The following MAD1L1 variants were observed in gnomAD, a reference collection of about 807,000 sequenced individuals.
The protein encoded by MAD1L1 is mitotic spindle assembly checkpoint protein MAD1.
MAD1L1 carries 95 observed loss-of-function variants against 96.9 expected under a neutral mutation model. The ratio of observed to expected loss-of-function variants is 0.98; its 90% CI spans 0.83 to 1.16. The LOEUF is 1.16. MAD1L1 is among the 50% of genes most tolerant of loss of function. MAD1L1 has a pLI of 0.00. For synonymous variants in MAD1L1, 473 were observed against 396.6 expected (o/e 1.19, Z -2.29); for missense variants, 1,007 against 954.4 (o/e 1.06, Z -0.73).
intron 16 of MAD1L1, 48 bp downstream of exon 16, chr7:1,957,581 A>G (rs1172192802): frequency 6.3e-7 from 1 of 1,577,186 alleles, no homozygotes; most frequent in African/African-American, 1.4e-5. Context: ...CGCCCAAAGA[A>G]ATGAGAGGCC....
intron 17 of MAD1L1, among the ~76,000 whole-genome samples, chr7:1,906,429 T>C (rs1583732986): frequency 6.6e-6 from 1 of 152,218 alleles, no homozygotes; most frequent in Non-Finnish European, 1.5e-5. Flanking sequence ...CATCTGGCCC[T>C]AGCCTGACCT....
At chr7:1,894,773 T>G (rs1786762963) in intron 18 of MAD1L1, among the ~76,000 whole-genome samples, 1 of 147,824 alleles carries the variant, frequency 6.8e-6, no homozygotes, top group African/African-American at 2.5e-5. Context: ...CAGGACAGAG[T>G]CTGGAGGAGG....
intron 15 of MAD1L1, 94 bp from the exon 16 acceptor site, chr7:1,957,813 G>T: frequency 9.6e-7 from 1 of 1,041,780 alleles, no homozygotes; most frequent in Non-Finnish European, 1.5e-6. Flanking sequence ...AAGGTTAGGA[G>T]ACCCAGCTAT....
At chr7:1,969,472 A>C (rs886534740) in intron 15 of MAD1L1, among the ~76,000 whole-genome samples, 1 of 152,246 alleles carries the variant, frequency 6.6e-6, no homozygotes, top group African/African-American at 2.4e-5. Flanking sequence ...CTAAATCAGG[A>C]ACAAGACAAG....
intron 18 of MAD1L1, among the ~76,000 whole-genome samples, chr7:1,889,241 C>G (rs1054864589): frequency 6.6e-6 from 1 of 152,238 alleles, no homozygotes; most frequent in Non-Finnish European, 1.5e-5. Flanking sequence ...GGTCCAGTCC[C>G]TCCCACCACC....
intron 11 of MAD1L1, among the ~76,000 whole-genome samples, chr7:2,083,473 G>A (rs1785755128): frequency 6.6e-6 from 1 of 152,242 alleles, no homozygotes; most frequent in African/African-American, 2.4e-5. Context: ...CGGAGAGGAG[G>A]TGCGGGGTGA....
At chr7:2,158,237 G>A (rs994643430) in intron 10 of MAD1L1, among the ~76,000 whole-genome samples, 1 of 152,200 alleles carries the variant, frequency 6.6e-6, no homozygotes, top group Non-Finnish European at 1.5e-5. Flanking sequence ...CTTTCCTTCC[G>A]AGGCGAGAGC....
intron 10 of MAD1L1, among the ~76,000 whole-genome samples, chr7:2,181,816 A>C (rs1637756): frequency 0.019 from 2,883 of 150,064 alleles, 107 homozygotes; most frequent in African/African-American, 0.065. Flanking sequence ...TGGTCTCTAT[A>C]TATATATATA....
intron 10 of MAD1L1, among the ~76,000 whole-genome samples, chr7:2,154,154 CA>C (rs1364566411): frequency 6.6e-6 from 1 of 150,576 alleles, no homozygotes; most frequent in South Asian, 2.1e-4. Context: ...GACTCCATCT[CA>C]AAAAAAAAGA....
In MAD1L1 at chr7:2,014,158, G is replaced by C. The variant is rs141298205; in HGVS notation, c.1359+344C>G. Reference sequence around the variant, plus strand: ...GAGCACCCGGAGACCAGGTCTCCTTGGCAGATGCCCCTCACAGGGGAAGGA... The same window carrying C: ...GAGCACCCGGAGACCAGGTCTCCTTCGCAGATGCCCCTCACAGGGGAAGGA... On this transcript the variant is annotated intron_variant, in intron 13 of 18. Transcript: ENST00000265854. 5.2e-3 allele frequency among the ~76,000 whole-genome samples: 798 copies of C among 152,304 alleles called. 7 individuals are homozygous for C. Among genetic ancestry groups the C allele is most frequent in the African/African-American group, 0.018 (737 of 41,554 alleles).
intron 17 of MAD1L1, among the ~76,000 whole-genome samples, chr7:1,920,014 TCCCCAG>T (rs1788676775): frequency 1.0e-3 from 6 of 5,798 alleles, no homozygotes; most frequent in Non-Finnish European, 2.2e-3. Flanking sequence ...GACACGGAGG[TCCCCAG>T]TGACACGGAG....
chr7:1,912,744 A>C (rs1788100366), intron 17 of MAD1L1, among the ~76,000 whole-genome samples: 1 of 152,200 alleles, frequency 6.6e-6, no homozygotes, highest in Non-Finnish European at 1.5e-5. Flanking sequence ...AACACTCCAG[A>C]GGGAGCAGTG....
At chr7:1,872,966 C>G (rs558188390) in intron 18 of MAD1L1, among the ~76,000 whole-genome samples, 1 of 152,166 alleles carries the variant, frequency 6.6e-6, no homozygotes. Context: ...GAGAGATGGC[C>G]GTGATCTTTA....
At chr7:1,860,135 G>A (rs1330514689) in intron 18 of MAD1L1, among the ~76,000 whole-genome samples, 2 of 103,618 alleles carry the variant, frequency 1.9e-5, no homozygotes, top group African/African-American at 7.6e-5. Flanking sequence ...CCTGACATCT[G>A]GCGGGGCGGC....
At chr7:1,877,277 C>G (rs1785434035) in intron 18 of MAD1L1, among the ~76,000 whole-genome samples, 1 of 152,056 alleles carries the variant, frequency 6.6e-6, no homozygotes, top group Non-Finnish European at 1.5e-5. Context: ...GTAACAGTTC[C>G]TTCTGTGCTA....
intron 18 of MAD1L1, chr7:1,854,438 C>T: frequency 2.2e-6 from 1 of 450,508 alleles, no homozygotes; most frequent in South Asian, 1.6e-5. Flanking sequence ...TTCTCACAGG[C>T]CTGGAGGCCA....
At position 2,153,426 on chromosome 7, in the gene MAD1L1, A is replaced by G. The variant is rs58999698; in HGVS notation, c.987-4188T>C. The stretch of plus-strand genomic sequence containing the variant: ...TCAAAGGATGACATGCAAATGGCCA[A>G]CAGGTATATGAAAAAATGGTCAACA... On this transcript the variant is annotated intron_variant, in intron 10 of 18. Coordinates refer to ENST00000265854, the MANE Select transcript of MAD1L1 (RefSeq NM_001013836.2). Among the ~76,000 whole-genome samples, 576 of 152,374 alleles carry G rather than the reference A, an allele frequency of 3.8e-3. 2 individuals carry two copies. The highest frequency in any genetic ancestry group is 0.013 in the African/African-American group (550 of 41,592).
Position 2,017,520 on chromosome 7 carries a change from C to T in MAD1L1, c.1219-2878G>A, listed in dbSNP as rs369642897. On this transcript the variant is annotated intron_variant, in intron 12 of 18. Coordinates refer to ENST00000265854, the MANE Select transcript of MAD1L1 (RefSeq NM_001013836.2). ...GGGGGCCGGGGGCAGCAGTAGAGGG[C>T]GGCTCTGCCCTGGCCTGCGATAGTC... Among the ~76,000 whole-genome samples, 20 of 152,294 alleles carry T rather than the reference C, an allele frequency of 1.3e-4. No individual in the cohort carries two copies. The East Asian group carries it at 2.9e-3, about 22-fold the overall frequency.
At chr7:1,886,273 G>C (rs1276373179) in intron 18 of MAD1L1, among the ~76,000 whole-genome samples, 1 of 152,248 alleles carries the variant, frequency 6.6e-6, no homozygotes, top group Non-Finnish European at 1.5e-5. Flanking sequence ...ATCTGTGCAA[G>C]ATCAGTGCAC....
Sources: allele counts gnomAD v4.1 joint callset (sites outside exome capture counted in the v4.1 genomes callset), GRCh38; gene constraint gnomAD v4.1.1; transcripts MANE v1.5; gene names NCBI Gene and HGNC (gene_info 2026-07-23, HGNC 2026-07-21).